Variants in MCF2L2 observed in about 807,000 individuals in gnomAD.
MCF2L2 encodes the protein probable guanine nucleotide exchange factor MCF2L2.
A neutral mutation model predicts 150.2 loss-of-function variants in MCF2L2; 102 were observed. The observed-to-expected ratio is 0.68, with a 90% confidence interval of 0.58 to 0.80. The LOEUF (loss-of-function observed/expected upper bound fraction) is 0.80, where lower values mean the gene tolerates loss of function less well. Ranked by LOEUF, MCF2L2 falls within the 30% of genes least tolerant of loss-of-function variation. The pLI is 0.00. For missense variants in MCF2L2, 1,256 were observed against 1,372.8 expected (o/e 0.91, Z 1.34); for synonymous variants, 465 against 491.3 (o/e 0.95, Z 0.71).
intron 3 of MCF2L2, among the ~76,000 whole-genome samples, chr3:183,360,286 G>T (rs1446656696): frequency 6.6e-6 from 1 of 152,192 alleles, no homozygotes; most frequent in Admixed American, 6.5e-5. Context: ...GCCAGATTGG[G>T]GTAGAAGGGG....
chr3:183,238,995 CAAAAAAA>C (rs60736939), intron 15 of MCF2L2, among the ~76,000 whole-genome samples: 14 of 88,902 alleles, frequency 1.6e-4, no homozygotes, highest in South Asian at 3.3e-4. Flanking sequence ...ATATCCGTCT[CAAAAAAA>C]AAAAAAAAAA....
chr3:183,323,384 T>C (rs773865223), intron 5 of MCF2L2, 33 bp from the exon 6 acceptor site: 3 of 1,080,814 alleles, frequency 2.8e-6, no homozygotes, highest in East Asian at 2.4e-5. Flanking sequence ...AACATACTCC[T>C]CATTGATCAT....
rs548352444 is a variant in MCF2L2 at position 183,228,695 on chromosome 3, T to A, written c.2046-329A>T. On this transcript the variant is annotated intron_variant, in intron 17 of 29. Coordinates refer to ENST00000328913, the MANE Select transcript of MCF2L2 (RefSeq NM_015078.4). ...CAGAAGGCACAGGGGGTCAGGATCA[T>A]CTCCAATTATCAGAACACAGCTGTT... Among the ~76,000 whole-genome samples, 3 of 152,236 alleles carry A rather than the reference T, an allele frequency of 2.0e-5. No individual in the cohort carries two copies. The South Asian group carries it at 6.2e-4, about 32-fold the overall frequency.
chr3:183,218,062 C>T (rs1288968814), intron 21 of MCF2L2, among the ~76,000 whole-genome samples: 1 of 152,082 alleles, frequency 6.6e-6, no homozygotes, highest in African/African-American at 2.4e-5. Context: ...ACAGCTAGCC[C>T]CTTTGCTGCT....
At chr3:183,206,801 G>A (rs1241980243) in intron 23 of MCF2L2, among the ~76,000 whole-genome samples, 1 of 152,110 alleles carries the variant, frequency 6.6e-6, no homozygotes, top group East Asian at 1.9e-4. Flanking sequence ...CCGGGAGGTG[G>A]AGGTTGCAGT....
intron 5 of MCF2L2, among the ~76,000 whole-genome samples, chr3:183,333,961 CAAAAAAAAA>C (rs57368442): frequency 1.1e-5 from 1 of 95,014 alleles, no homozygotes; most frequent in Non-Finnish European, 2.6e-5. Context: ...AAGGAAGTGC[CAAAAAAAAA>C]AAAAAAAAAA....
intron 3 of MCF2L2, among the ~76,000 whole-genome samples, chr3:183,346,315 CAT>C (rs1324256604): frequency 6.6e-6 from 1 of 152,318 alleles, no homozygotes. Flanking sequence ...ACAAAAACCA[CAT>C]GATTATCTCA....
In MCF2L2 at chr3:183,192,993, C is replaced by T. The variant is rs1721951060; in HGVS notation, c.3016+6G>A. ...GTGCTCCACTCTCCCATGGGACCCT[C>T]CCTACCTTTAATCCCTCCTGTGCTG... is the stretch of plus-strand genomic sequence containing the variant. On this transcript the variant is annotated splice_donor_region_variant and intron_variant, in intron 27 of 29. Transcript: ENST00000328913. The T allele has an allele frequency of 1.5e-5, 24 of 1,612,166 alleles. 1 individual carries two copies. In the East Asian group the frequency reaches 5.3e-4, roughly 36 times the overall value.
intron 10 of MCF2L2, among the ~76,000 whole-genome samples, chr3:183,303,522 C>T (rs1728956713): frequency 6.6e-6 from 1 of 152,196 alleles, no homozygotes; most frequent in Non-Finnish European, 1.5e-5. Context: ...TCTTGCCCCT[C>T]TCTTAACTTG....
chr3:183,224,250 A>T, intron 18 of MCF2L2, 60 bp from the exon 19 acceptor site: 1 of 1,071,026 alleles, frequency 9.3e-7, no homozygotes, highest in East Asian at 2.4e-5. Flanking sequence ...AGTGGACAGG[A>T]TGATACAGTT....
chr3:183,379,021 C>T, intron 3 of MCF2L2: 1 of 374,402 alleles, frequency 2.7e-6, no homozygotes, highest in Non-Finnish European at 4.7e-6. Flanking sequence ...GGAACAAAGG[C>T]AACACAGCTG....
chr3:183,230,947 T>G lies in MCF2L2; in HGVS notation c.1929+4A>C. On this transcript the variant is annotated splice_donor_region_variant and intron_variant, in intron 16 of 29. Transcript: ENST00000328913. ...TTGATACCCCACTCCCCAAATCTACTTACATCAATTATGCTTTTAATCTCT... is the reference window on the plus strand; with the variant it reads ...TTGATACCCCACTCCCCAAATCTACGTACATCAATTATGCTTTTAATCTCT... 6.2e-7 allele frequency: 1 copy of G among 1,609,904 alleles called. No homozygotes were observed. The highest frequency in any genetic ancestry group is 8.5e-7 in the Non-Finnish European group (1 of 1,176,252).
At chr3:183,389,834 A>G (rs900175077) in intron 1 of MCF2L2, 55 bp from the exon 2 acceptor site, 25 of 1,426,460 alleles carry the variant, frequency 1.8e-5, no homozygotes, top group Non-Finnish European at 2.5e-5. Flanking sequence ...TTACAAGAAG[A>G]AATTAAAAAG....
chr3:183,397,033 G>T (rs186792318), intron 1 of MCF2L2, among the ~76,000 whole-genome samples: 12 of 152,224 alleles, frequency 7.9e-5, no homozygotes, highest in African/African-American at 2.9e-4. Context: ...TTCTATTGTT[G>T]TAAGCCATCA....
At chr3:183,209,784 C>T (rs536797658) in intron 22 of MCF2L2, among the ~76,000 whole-genome samples, 4 of 152,262 alleles carry the variant, frequency 2.6e-5, no homozygotes, top group South Asian at 4.1e-4. Context: ...CCACTGCTCC[C>T]GGCCTTCATG....
At chr3:183,232,505 T>C (rs1723605378) in intron 15 of MCF2L2, among the ~76,000 whole-genome samples, 1 of 152,232 alleles carries the variant, frequency 6.6e-6, no homozygotes. Flanking sequence ...TTATTATTTC[T>C]TTTAGGAGTC....
chr3:183,382,338 C>T (rs1208119755), intron 2 of MCF2L2, among the ~76,000 whole-genome samples: 1 of 152,116 alleles, frequency 6.6e-6, no homozygotes, highest in Non-Finnish European at 1.5e-5. Context: ...GGATTACAGG[C>T]GTTGAGCCAC....
intron 15 of MCF2L2, among the ~76,000 whole-genome samples, chr3:183,233,873 A>C (rs1723679222): frequency 6.6e-6 from 1 of 152,216 alleles, no homozygotes; most frequent in South Asian, 2.1e-4. Context: ...AAATAATACA[A>C]TTCACATATT....
intron 16 of MCF2L2, 148 bp downstream of exon 16, chr3:183,230,803 T>C: frequency 1.6e-6 from 1 of 612,884 alleles, no homozygotes; most frequent in Non-Finnish European, 2.9e-6. Context: ...ATGTTCTTAT[T>C]CCTACTGGAG....
Sources: allele counts gnomAD v4.1 joint callset (sites outside exome capture counted in the v4.1 genomes callset), GRCh38; gene constraint gnomAD v4.1.1; transcripts MANE v1.5; gene names NCBI Gene and HGNC (gene_info 2026-07-23, HGNC 2026-07-21).